Variants in CAMTA1 observed in about 807,000 individuals in gnomAD.
CAMTA1 encodes the protein calmodulin-binding transcription activator 1.
CAMTA1 carries 27 observed loss-of-function variants against 170.9 expected under a neutral mutation model. That is an observed-to-expected ratio of 0.16 (90% confidence interval 0.12 to 0.22). The LOEUF is 0.22. Among genes scored for constraint, CAMTA1 ranks in the 10% least tolerant of loss-of-function variants. CAMTA1 has a pLI of 1.00. For synonymous variants in CAMTA1, 833 were observed against 891.5 expected, an observed-to-expected ratio of 0.93 and a Z score of 1.17; for missense variants, 1,619 against 2,217.2, an observed-to-expected ratio of 0.73 and a Z score of 5.42.
chr1:7,028,969 A>G (rs17030160), intron 3 of CAMTA1, among the ~76,000 whole-genome samples: 2,637 of 152,320 alleles, frequency 0.017, 35 homozygotes, highest in African/African-American at 0.034. Context: ...TTGAAAGTGG[A>G]AAGTGTTATT....
intron 4 of CAMTA1, among the ~76,000 whole-genome samples, chr1:7,158,457 G>A (rs1647022717): frequency 6.6e-6 from 1 of 152,184 alleles, no homozygotes; most frequent in South Asian, 2.1e-4. Flanking sequence ...GCATTTGTCA[G>A]ATGTGTCCCA....
At chr1:7,339,201 A>G (rs1354976941) in intron 5 of CAMTA1, among the ~76,000 whole-genome samples, 22 of 152,362 alleles carry the variant, frequency 1.4e-4, no homozygotes, top group Non-Finnish European at 1.5e-5. Context: ...TCTGAAATGT[A>G]TCATGGTGGT....
chr1:6,887,620 C>A lies in CAMTA1; in HGVS notation c.234+62410C>A. The A allele has an allele frequency of 6.5e-7, 1 of 1,530,430 alleles. No individual in the cohort carries two copies. Among genetic ancestry groups the A allele is most frequent in the Non-Finnish European group, 8.7e-7 (1 of 1,144,852 alleles). 94.8% of individuals were successfully genotyped at this position (1,530,430 alleles called of 1,614,324 possible). ...CAGTTAAAAACAGAAATAGAAGCGA[C>A]GGTTTTGACCCATTTTACACCTATT... is the stretch of plus-strand genomic sequence containing the variant. On this transcript the variant is annotated intron_variant, in intron 3 of 22. Coordinates refer to ENST00000303635, the MANE Select transcript of CAMTA1 (RefSeq NM_015215.4). This position sits in a 1 kb window ranked among gnomAD's most constrained non-coding sequence, Gnocchi z 4.1.
intron 11 of CAMTA1, among the ~76,000 whole-genome samples, chr1:7,731,896 C>T (rs935654881): frequency 6.6e-6 from 1 of 152,112 alleles, no homozygotes; most frequent in African/African-American, 2.4e-5. Flanking sequence ...GTAACAGTCT[C>T]AGGCACTGAA....
chr1:7,697,733 C>A (rs1359192168), intron 11 of CAMTA1, among the ~76,000 whole-genome samples: 1 of 152,172 alleles, frequency 6.6e-6, no homozygotes, highest in Non-Finnish European at 1.5e-5. Flanking sequence ...AGAAACCTGC[C>A]AGTTTTTGGG....
intron 3 of CAMTA1, among the ~76,000 whole-genome samples, chr1:6,961,844 A>G (rs1239429144): frequency 6.6e-6 from 1 of 152,232 alleles, no homozygotes; most frequent in Non-Finnish European, 1.5e-5. Context: ...CTAAACTAGA[A>G]GGGGCGTCTG....
intron 3 of CAMTA1, among the ~76,000 whole-genome samples, chr1:6,888,672 C>T (rs1420920370): frequency 2.0e-5 from 3 of 152,244 alleles, no homozygotes; most frequent in South Asian, 2.1e-4. Context: ...AACTTGGAGG[C>T]GATTACTTAG....
At chr1:7,048,330 T>C (rs998586758) in intron 3 of CAMTA1, among the ~76,000 whole-genome samples, 11 of 151,936 alleles carry the variant, frequency 7.2e-5, no homozygotes, top group African/African-American at 2.7e-4. Context: ...ACCACCACAA[T>C]TGGAAAGTCC....
intron 6 of CAMTA1, among the ~76,000 whole-genome samples, chr1:7,484,287 TCTCCCCAGGAGG>T (rs1557789561): frequency 6.6e-6 from 1 of 152,024 alleles, no homozygotes; most frequent in Non-Finnish European, 1.5e-5. Context: ...AGACTGAGCC[TCTCCCCAGGAGG>T]CCTGGAAAGG....
chr1:7,464,535 C>T (rs976855250), intron 5 of CAMTA1, among the ~76,000 whole-genome samples: 4 of 152,098 alleles, frequency 2.6e-5, no homozygotes, highest in South Asian at 2.1e-4. Context: ...AGAGTGAGGG[C>T]GGTGGTAGCA....
At chr1:7,479,526 G>C (rs1224297515) in intron 6 of CAMTA1, among the ~76,000 whole-genome samples, 1 of 152,180 alleles carries the variant, frequency 6.6e-6, no homozygotes, top group African/African-American at 2.4e-5. Flanking sequence ...TATTAACAGA[G>C]CTGTCCTCTC....
intron 6 of CAMTA1, among the ~76,000 whole-genome samples, chr1:7,620,832 CA>C (rs1399654362): frequency 6.6e-6 from 1 of 152,148 alleles, no homozygotes; most frequent in Non-Finnish European, 1.5e-5. Flanking sequence ...GAACAAAGAC[CA>C]TTCAAGAGTG....
chr1:7,658,977 A>G (rs2095930370), intron 7 of CAMTA1, among the ~76,000 whole-genome samples: 2 of 152,204 alleles, frequency 1.3e-5, no homozygotes, highest in Non-Finnish European at 2.9e-5. Flanking sequence ...AGTTCTGAAC[A>G]TGGCGGCTTG....
Position 7,738,445 on chromosome 1 carries a change from A to T in CAMTA1, c.4145A>T (p.Glu1382Val). The stretch of plus-strand genomic sequence containing the variant: ...CTGGGGTCCTACCGTGATAGTGCAG[A>T]AAATGAAGAATGCGGCCAGCCCATG... ...TELGSYRDSA[E>V]NEECGQPMDD... Residue 1382 changes from glutamate (E) to valine (V), a missense_variant, in exon 16 of 23, where the codon GAA becomes GTA. By Grantham distance (121) the Glu-to-Val change is moderately radical. Transcript: ENST00000303635. The surrounding 1 kb of genome is among the most constrained non-coding windows in gnomAD (Gnocchi z 4.9). 1.9e-6 allele frequency: 3 copies of T among 1,614,132 alleles called. No homozygotes were observed. The highest frequency in any genetic ancestry group is 2.5e-6 in the Non-Finnish European group (3 of 1,179,964).
At chr1:7,283,872 G>A (rs559862518) in intron 5 of CAMTA1, among the ~76,000 whole-genome samples, 1 of 152,264 alleles carries the variant, frequency 6.6e-6, no homozygotes, top group African/African-American at 2.4e-5. Flanking sequence ...TGCTGCAGCT[G>A]AGGGGTCTTT....
intron 1 of CAMTA1, among the ~76,000 whole-genome samples, chr1:6,786,205 C>T (rs902518726): frequency 1.3e-5 from 2 of 152,008 alleles, no homozygotes; most frequent in African/African-American, 4.8e-5. Context: ...GGGACCCCGT[C>T]CTGCCGAGCG....
At chr1:7,659,084 G>C (rs2149114580) in intron 7 of CAMTA1, among the ~76,000 whole-genome samples, 1 of 152,358 alleles carries the variant, frequency 6.6e-6, no homozygotes, top group East Asian at 1.9e-4. Context: ...GGCAGAGGGT[G>C]CTGCAGACCT....
intron 3 of CAMTA1, among the ~76,000 whole-genome samples, chr1:6,935,803 T>C (rs1161475454): frequency 6.6e-6 from 1 of 152,188 alleles, no homozygotes; most frequent in Non-Finnish European, 1.5e-5. Context: ...CGGAAATCAC[T>C]GTTAGTTGCA....
At chr1:7,315,442 G>A (rs12063396) in intron 5 of CAMTA1, among the ~76,000 whole-genome samples, 7,403 of 152,282 alleles carry the variant, frequency 0.049, 610 homozygotes, top group African/African-American at 0.17. Flanking sequence ...TTCCCTGAAT[G>A]TAGACTGGTT....
Sources: gnomAD v4.1 joint callset for allele counts (sites outside exome capture counted in the v4.1 genomes callset) on GRCh38, gnomAD v4.1.1 for gene constraint, Gnocchi (gnomAD v3.1) non-coding constraint, MANE v1.5 for transcripts, NCBI Gene and HGNC (gene_info 2026-07-23, HGNC 2026-07-21) for gene names.